The following MASP1 variants were observed in gnomAD, a reference collection of about 807,000 sequenced individuals.
MASP1 encodes mannan-binding lectin serine protease 1.
In MASP1, 59 loss-of-function variants were observed where a neutral mutation model predicts 77.1. The observed-to-expected ratio is 0.77, with a 90% CI of 0.62 to 0.95. The LOEUF is 0.95. Among genes scored for constraint, MASP1 ranks in the 40% least tolerant of loss-of-function variants. The probability of loss-of-function intolerance (pLI) is 0.00; values close to 1 mark genes in which losing one functional copy is unlikely to be tolerated. For synonymous variants in MASP1, 362 were observed against 354.5 expected (o/e 1.02, Z -0.24); for missense variants, 885 against 912.9 (o/e 0.97, Z 0.39).
chr3:187,287,208 C>A (rs1452805365), intron 1 of MASP1, among the ~76,000 whole-genome samples: 1 of 152,186 alleles, frequency 6.6e-6, no homozygotes, highest in Non-Finnish European at 1.5e-5. Context: ...GCTGTTGAGG[C>A]CCTTTTGATC....
intron 6 of MASP1, among the ~76,000 whole-genome samples, chr3:187,252,677 G>A (rs1292747929): frequency 6.6e-6 from 1 of 152,170 alleles, no homozygotes; most frequent in Non-Finnish European, 1.5e-5. Flanking sequence ...GCTCGATCAA[G>A]GTTTGGGCCA....
At chr3:187,226,578 T>G (rs569444675) in intron 11 of MASP1, 11 of 1,222,036 alleles carry the variant, frequency 9.0e-6, no homozygotes, top group Non-Finnish European at 1.3e-5. Context: ...CCTCCCTCTG[T>G]CTTGAGCTGA....
In MASP1 at chr3:187,225,997, C is replaced by T. The variant is rs1215420226; in HGVS notation, c.1555+410G>A. ...GGGCAGAAACTAGGTCTTAATCATA[C>T]TGTGTCCTTAGATCCTGGCATAATG... is the stretch of plus-strand genomic sequence containing the variant. On this transcript the variant is annotated intron_variant, in intron 12 of 15. Transcript: ENST00000337774. Among the ~76,000 whole-genome samples the T allele has an allele frequency of 2.0e-5, 3 of 152,206 alleles. No homozygotes were observed. The East Asian group carries it at 5.8e-4, about 29-fold the overall frequency.
chr3:187,234,336 G>A lies in MASP1; in HGVS notation c.*1348C>T. 7.8e-7 allele frequency: 1 copy of A among 1,287,256 alleles called. No homozygotes were observed. Among genetic ancestry groups the A allele is most frequent in the Non-Finnish European group, 1.0e-6 (1 of 988,698 alleles). The allele number at this position is 1,287,256 out of a possible 1,614,324, so 79.7% of individuals were successfully genotyped here. On this transcript the variant is annotated 3_prime_UTR_variant, in exon 11 of 11. Coordinates refer to ENST00000296280, the MANE Select transcript of MASP1 (RefSeq NM_139125.4). ...GATTTTCAGGAGAGAGAGCTCCAGGGAGAAGGAGAACAATCAGCCCTGTGA... is the reference window on the plus strand; with the variant it reads ...GATTTTCAGGAGAGAGAGCTCCAGGAAGAAGGAGAACAATCAGCCCTGTGA...
chr3:187,285,743 C>T (rs554886916), intron 2 of MASP1, 82 bp downstream of exon 2: 1 of 1,123,180 alleles, frequency 8.9e-7, no homozygotes, highest in Admixed American at 1.7e-5. Context: ...TATATGCCAC[C>T]CTGGAAGGGT....
downstream of MASP1, among the ~76,000 whole-genome samples, chr3:187,230,609 G>A (rs1712712025): frequency 6.6e-6 from 1 of 152,194 alleles, no homozygotes. Context: ...GCCTTGTGGA[G>A]TTGAAGATCC....
intron 2 of MASP1, among the ~76,000 whole-genome samples, chr3:187,277,612 TG>T (rs1717065805): frequency 6.6e-6 from 1 of 152,170 alleles, no homozygotes; most frequent in Non-Finnish European, 1.5e-5. Context: ...CAGTAAAGCC[TG>T]TTCTGAGGAA....
rs539929351 is a variant in MASP1, at chr3:187,253,451, G to A, written c.745-136C>T. ...ATATGAACCCTTGGTATTCACTTAG[G>A]TTTTTAGTGAGCCTTACCATTCACC... On this transcript the variant is annotated intron_variant, in intron 5 of 10. Coordinates refer to ENST00000296280, the MANE Select transcript of MASP1 (RefSeq NM_139125.4). 1.0e-4 allele frequency: 86 copies of A among 846,930 alleles called. No individual in the cohort carries two copies. The Middle Eastern group carries it at 3.7e-3, about 36-fold the overall frequency. 52.5% of individuals were successfully genotyped at this position (846,930 alleles called of 1,614,324 possible).
rs750039188 is a variant in MASP1, at chr3:187,260,891, C to A, written c.416-19G>T. On this transcript the variant is annotated intron_variant, in intron 3 of 10. Coordinates refer to ENST00000296280, the MANE Select transcript of MASP1 (RefSeq NM_139125.4). ...TCCACATCTGTAGGGCAGGTAAAGC[C>A]TCTCCATCAATACATGCATGATGAT... is the stretch of plus-strand genomic sequence containing the variant. 8 of 1,614,012 alleles carry A rather than the reference C, an allele frequency of 5.0e-6. No homozygotes were observed. Among genetic ancestry groups the A allele is most frequent in the Non-Finnish European group, 6.8e-6 (8 of 1,179,928 alleles).
intron 1 of MASP1, among the ~76,000 whole-genome samples, chr3:187,289,198 G>T (rs900456386): frequency 6.6e-6 from 1 of 152,136 alleles, no homozygotes; most frequent in African/African-American, 2.4e-5. Context: ...CAGGCTAGCA[G>T]GACTCTGTAA....
At chr3:187,271,087 G>A (rs951457689) in intron 2 of MASP1, among the ~76,000 whole-genome samples, 15 of 152,360 alleles carry the variant, frequency 9.8e-5, no homozygotes, top group Admixed American at 7.2e-4. Flanking sequence ...GCTCACGTTT[G>A]TAAATTGAAA....
intron 2 of MASP1, among the ~76,000 whole-genome samples, chr3:187,273,978 G>T (rs567936241): frequency 1.3e-5 from 2 of 152,282 alleles, no homozygotes; most frequent in South Asian, 4.1e-4. Flanking sequence ...GGGAGGCCGA[G>T]GTGGGTAAAT....
intron 12 of MASP1, among the ~76,000 whole-genome samples, chr3:187,225,825 C>T (rs1712395909): frequency 2.0e-5 from 3 of 152,238 alleles, no homozygotes; most frequent in Admixed American, 6.5e-5. Flanking sequence ...CAGGTAGCCT[C>T]TCAGACTCTT....
intron 2 of MASP1, among the ~76,000 whole-genome samples, chr3:187,271,581 A>G (rs1186165520): frequency 6.6e-6 from 1 of 152,242 alleles, no homozygotes; most frequent in Non-Finnish European, 1.5e-5. Flanking sequence ...GAAAGTACGC[A>G]TTGAAAATAA....
At chr3:187,256,635 T>C (rs1333089139) in intron 5 of MASP1, 29 bp downstream of exon 5, 1 of 1,611,874 alleles carries the variant, frequency 6.2e-7, no homozygotes, top group South Asian at 1.1e-5. Context: ...TTCCAGCATC[T>C]CCAGGACAAG....
intron 2 of MASP1, among the ~76,000 whole-genome samples, chr3:187,270,894 T>C (rs779771591): frequency 5.1e-4 from 78 of 152,248 alleles, no homozygotes; most frequent in Non-Finnish European, 6.3e-4. Flanking sequence ...TGTAGCTGCA[T>C]GAAGGACCTC....
At position 187,234,249 on chromosome 3, in the gene MASP1, A is replaced by AG. The variant is rs763002473; in HGVS notation, c.*1434_*1435insC. On this transcript the variant is annotated 3_prime_UTR_variant, in exon 11 of 11. Transcript: ENST00000296280. Reference sequence around the variant, plus strand: ...GAGTGTGTTTGATGAGCCGGTTGAGAAAGTGGACACTTCCCAATCATTCCC... The same window carrying AG: ...GAGTGTGTTTGATGAGCCGGTTGAGAGAAGTGGACACTTCCCAATCATTCCC... The AG allele has an allele frequency of 0.91, 1,170,358 of 1,286,756 alleles. 535,426 individuals carry two copies. Among genetic ancestry groups the AG allele is most frequent in the East Asian group, 0.99 (17,895 of 17,994 alleles). 79.7% of individuals were successfully genotyped at this position (1,286,756 alleles called of 1,614,324 possible). A position where few individuals can be genotyped will look rare whatever the true frequency, so the allele number is the denominator to read the frequency against.
chr3:187,237,450 C>T (rs1235673735), intron 10 of MASP1, among the ~76,000 whole-genome samples: 1 of 152,202 alleles, frequency 6.6e-6, no homozygotes, highest in Non-Finnish European at 1.5e-5. Context: ...AAATTGATGC[C>T]CATGGATTAA....
chr3:187,259,440 C>G (rs946665936), intron 4 of MASP1, among the ~76,000 whole-genome samples: 2 of 152,080 alleles, frequency 1.3e-5, no homozygotes, highest in African/African-American at 4.8e-5. Context: ...GCACAATACA[C>G]AGATGGACAT....
Sources: allele counts gnomAD v4.1 joint callset (sites outside exome capture counted in the v4.1 genomes callset), GRCh38; gene constraint gnomAD v4.1.1; transcripts MANE v1.5; gene names NCBI Gene and HGNC (gene_info 2026-07-23, HGNC 2026-07-21).